CTSK: variants seen among roughly 807,000 people sequenced by gnomAD.
The protein encoded by CTSK is cathepsin O.
A neutral mutation model predicts 40.5 loss-of-function variants in CTSK; 26 were observed. That is an observed-to-expected ratio of 0.64 (90% CI 0.47 to 0.89). The LOEUF (loss-of-function observed/expected upper bound fraction) is 0.89, where lower values mean the gene tolerates loss of function less well. Among genes scored for constraint, CTSK ranks in the 40% least tolerant of loss-of-function variants. CTSK has a pLI of 0.00. For synonymous variants in CTSK, 132 were observed against 143.2 expected, an observed-to-expected ratio of 0.92 and a Z score of 0.56; for missense variants, 292 against 400.1, an observed-to-expected ratio of 0.73 and a Z score of 2.30.
chr1:150,807,295 C>A (rs1437607629), intron 1 of CTSK: 1 of 471,600 alleles, frequency 2.1e-6, no homozygotes, highest in Non-Finnish European at 4.4e-6. Flanking sequence ...ATCATTTCTT[C>A]GAGGCGTTCT....
At chr1:150,805,060 T>A (rs937212718) in intron 4 of CTSK, among the ~76,000 whole-genome samples, 3 of 151,738 alleles carry the variant, frequency 2.0e-5, no homozygotes, top group East Asian at 3.9e-4. Context: ...AAAAATTTTT[T>A]AAAATTAGCT....
chr1:150,797,078 G>T (rs1653889260), intron 7 of CTSK, among the ~76,000 whole-genome samples, 180 bp from the exon 8 acceptor site: 1 of 152,164 alleles, frequency 6.6e-6, no homozygotes, highest in Non-Finnish European at 1.5e-5. Flanking sequence ...TCAAAGGAGG[G>T]AAAGATTCCT....
In CTSK at chr1:150,807,005, T is replaced by TTCTCTCTCTCTCTCTCTCTCTCTCTC. The variant is rs71659432; in HGVS notation, c.-1-200_-1-199insGAGAGAGAGAGAGAGAGAGAGAGAGA. On this transcript the variant is annotated intron_variant, in intron 1 of 7. Transcript: ENST00000271651. The stretch of plus-strand genomic sequence containing the variant: ...TAGGGGGATTTAGCCATTTCTCTCT[T>TTCTCTCTCTCTCTCTCTCTCTCTCTC]TCTCTCTCTCTCTCTCTCTCGGGAG... Among the ~76,000 whole-genome samples the TTCTCTCTCTCTCTCTCTCTCTCTCTC allele has an allele frequency of 5.9e-4, 82 of 139,048 alleles. 2 individuals are homozygous for TTCTCTCTCTCTCTCTCTCTCTCTCTC. The South Asian group carries it at 0.011, about 19-fold the overall frequency. The allele number at this position is 139,048 out of a possible 152,430, so 91.2% of individuals were successfully genotyped here.
In CTSK at chr1:150,799,639, C is replaced by A. The variant is rs956544841; in HGVS notation, c.689G>T (p.Gly230Val). ...TGCCCTCTTCAGGGCTTTCTCATTC[C>A]CCTCGGGGATCTCTCTGTACCCTCT... Reference protein sequence around the residue: ...KCRGYREIPEGNEKALKRAVA... With the variant: ...KCRGYREIPEVNEKALKRAVA... The change falls in exon 6 of 8, where the codon GGG becomes GTG. Residue 230 changes from glycine (G) to valine (V), a missense_variant. Transcript: ENST00000271651. 2 of 1,614,034 alleles carry A rather than the reference C, an allele frequency of 1.2e-6. No homozygotes were observed. The highest frequency in any genetic ancestry group is 2.7e-5 in the African/African-American group (2 of 74,908).
At chr1:150,805,712 T>C in intron 4 of CTSK, 149 bp downstream of exon 4, 2 of 617,562 alleles carry the variant, frequency 3.2e-6, no homozygotes, top group Non-Finnish European at 5.6e-6. Flanking sequence ...CAGAAACAAA[T>C]GAGGTTAAAT....
chr1:150,801,542 CT>C (rs781467598), intron 5 of CTSK, among the ~76,000 whole-genome samples: 279 of 144,124 alleles, frequency 1.9e-3, no homozygotes, highest in Middle Eastern at 3.6e-3. Context: ...TTAAAATTAA[CT>C]TTTTTTTTTT....
At chr1:150,805,648 A>G (rs1357368856) in intron 4 of CTSK, among the ~76,000 whole-genome samples, 20 of 148,590 alleles carry the variant, frequency 1.3e-4, no homozygotes, top group African/African-American at 5.1e-4. Context: ...CAAAAAAAAA[A>G]AAAAAAAAAA....
At chr1:150,806,914 A>C in intron 1 of CTSK, 108 bp from the exon 2 acceptor site, 1 of 1,360,480 alleles carries the variant, frequency 7.4e-7, no homozygotes, top group Non-Finnish European at 1.0e-6. Context: ...TGATAAAACA[A>C]TGATAGTCAG....
chr1:150,798,854 A>G (rs1384485450), intron 7 of CTSK, among the ~76,000 whole-genome samples: 1 of 152,162 alleles, frequency 6.6e-6, no homozygotes, highest in East Asian at 1.9e-4. Flanking sequence ...GCCTTCTGCC[A>G]TGAGTAAAAG....
chr1:150,801,709 T>G (rs1252254939), intron 5 of CTSK, among the ~76,000 whole-genome samples: 1 of 151,618 alleles, frequency 6.6e-6, no homozygotes, highest in Non-Finnish European at 1.5e-5. Context: ...CAGCTAATTT[T>G]TTTGTATTTT....
intron 1 of CTSK, among the ~76,000 whole-genome samples, chr1:150,807,765 C>T (rs1329371154): frequency 6.6e-6 from 1 of 152,180 alleles, no homozygotes; most frequent in South Asian, 2.1e-4. Flanking sequence ...AGTCCATTTA[C>T]ATGTAATTTT....
chr1:150,798,664 T>C (rs958121131), intron 7 of CTSK, among the ~76,000 whole-genome samples: 4 of 152,202 alleles, frequency 2.6e-5, no homozygotes, highest in Admixed American at 2.6e-4. Context: ...AGGTGGGGCA[T>C]AGTGGGAGGT....
chr1:150,797,007 GTTT>G (rs1417639410), intron 7 of CTSK, 109 bp from the exon 8 acceptor site: 10 of 816,310 alleles, frequency 1.2e-5, no homozygotes, highest in Non-Finnish European at 1.9e-5. Context: ...TGAATATGAT[GTTT>G]TTTAACTTTA....
At chr1:150,805,515 T>C (rs1378149296) in intron 4 of CTSK, among the ~76,000 whole-genome samples, 1 of 150,968 alleles carries the variant, frequency 6.6e-6, no homozygotes, top group Non-Finnish European at 1.5e-5. Context: ...GGCGCGTGCC[T>C]GTAATCTCAG....
intron 1 of CTSK, among the ~76,000 whole-genome samples, chr1:150,807,095 C>A (rs1654120357): frequency 6.7e-6 from 1 of 149,178 alleles, no homozygotes. Context: ...CACACACACA[C>A]ACACACACAC....
rs200742781 is a variant in CTSK at position 150,805,958 on chromosome 1, C to T, written c.302G>A (p.Arg101His). 218 of 1,614,112 alleles carry T rather than the reference C, an allele frequency of 1.4e-4. No homozygotes were observed. The highest frequency in any genetic ancestry group is 1.7e-4 in the Non-Finnish European group (204 of 1,180,020). ...TGGGATATAAAGGGTGTCATTACTGCGGGAATGAGACAGGGGTACTTTGAG... is the reference window on the plus strand; with the variant it reads ...TGGGATATAAAGGGTGTCATTACTGTGGGAATGAGACAGGGGTACTTTGAG... ...TGLKVPLSHSRSNDTLYIPEW... is the reference protein window; with the variant it reads ...TGLKVPLSHSHSNDTLYIPEW... The change falls in exon 4 of 8, where the codon CGC becomes CAC. Residue 101 changes from arginine to histidine, a missense_variant. Physicochemically the swap from Arg to His is conservative, Grantham distance 29. Coordinates refer to ENST00000271651, the MANE Select transcript of CTSK (RefSeq NM_000396.4).
At chr1:150,800,194 C>CAAAAAAGAAAA (rs1653963392) in intron 5 of CTSK, among the ~76,000 whole-genome samples, 5 of 71,716 alleles carry the variant, frequency 7.0e-5, no homozygotes, top group Admixed American at 6.2e-4. Flanking sequence ...GACTCCATCT[C>CAAAAAAGAAAA]AAAAAAAAAA....
rs912746918 is a variant in CTSK at position 150,797,041 on chromosome 1, T to C, written c.891-143A>G. The C allele has an allele frequency of 8.5e-6, 6 of 707,882 alleles. No homozygotes were observed. The African/African-American group carries it at 1.1e-4, about 12-fold the overall frequency. 43.9% of individuals were successfully genotyped at this position (707,882 alleles called of 1,614,324 possible). A position where few individuals can be genotyped will look rare whatever the true frequency, so the allele number is the denominator to read the frequency against. ...CTTTAAAGAGTTTAAAGTCAAGAAA[T>C]AGGGAGAAGGCATAATACTGTAGGT... On this transcript the variant is annotated intron_variant, in intron 7 of 7. Transcript: ENST00000271651.
At chr1:150,807,057 TTC>T (rs368700789) in intron 1 of CTSK, among the ~76,000 whole-genome samples, 5 of 103,080 alleles carry the variant, frequency 4.9e-5, no homozygotes, top group Non-Finnish European at 8.3e-5. Flanking sequence ...CTCTCTCTGT[TTC>T]TCTCTCTGTC....
Sources: gnomAD v4.1 joint callset for allele counts (sites outside exome capture counted in the v4.1 genomes callset) on GRCh38, gnomAD v4.1.1 for gene constraint, MANE v1.5 for transcripts, NCBI Gene and HGNC (gene_info 2026-07-23, HGNC 2026-07-21) for gene names.